Variants in A3GALT2 observed in about 807,000 individuals in gnomAD.
A3GALT2 encodes the protein alpha 1,3-galactosyltransferase 2, also known as alpha-1,3-galactosyltransferase 2.
A3GALT2 carries 14 observed loss-of-function variants against 16.6 expected under a neutral mutation model. That is an observed-to-expected ratio of 0.84 (90% CI 0.56 to 1.32). The LOEUF (loss-of-function observed/expected upper bound fraction) is 1.32. Ranked by LOEUF, A3GALT2 falls within the 40% of genes most tolerant of loss-of-function variation. The pLI is 0.00. For missense variants in A3GALT2, 600 were observed against 490.9 expected (o/e 1.22, Z -2.10); for synonymous variants, 253 against 218.0 (o/e 1.16, Z -1.42).
At position 33,306,923 on chromosome 1, in the gene A3GALT2, T is replaced by C. The variant is rs1230427164; in HGVS notation, c.866A>G (p.His289Arg). The change falls in exon 5 of 5, where the codon CAC (histidine) becomes CGC (arginine). Residue 289 changes from histidine (H) to arginine (R), a missense_variant. Coordinates refer to ENST00000442999, the MANE Select transcript of A3GALT2 (RefSeq NM_001080438.1). ...GAACTTGTTGAGGTGGCTCTCGTCG[T>C]GCCAGCGCGCCTCCAGGCCGCGCGC... ...DRARGLEARW[H>R]DESHLNKFFW... 3 of 1,518,998 alleles carry C rather than the reference T, an allele frequency of 2.0e-6. No individual in the cohort carries two copies. The South Asian group carries it at 3.7e-5, about 19-fold the overall frequency. The allele number at this position is 1,518,998 out of a possible 1,614,324, so 94.1% of individuals were successfully genotyped here.
intron 1 of A3GALT2, among the ~76,000 whole-genome samples, chr1:33,317,142 A>G (rs1646265499): frequency 1.3e-5 from 2 of 152,138 alleles, no homozygotes; most frequent in Admixed American, 1.3e-4. Context: ...AGCTCCTCAA[A>G]TATAACTGAA....
In A3GALT2 at chr1:33,312,171, C is replaced by T; in HGVS notation, c.216G>A (p.Leu72=). 6.2e-7 allele frequency: 1 copy of T among 1,613,388 alleles called. No individual in the cohort carries two copies. The highest frequency in any genetic ancestry group is 8.5e-7 in the Non-Finnish European group (1 of 1,179,810). ...ALRPWARPEV[L]TCTPWGAPII... ...TGGGAGCCCCCCAGGGGGTACAGGT[C>T]AGAACTTCAGGCCGGGCCCTGGCCA... is the stretch of plus-strand genomic sequence containing the variant. The change falls in exon 4 of 5, where the codon CTG becomes CTA. Residue 72 remains leucine, a synonymous_variant. Coordinates refer to ENST00000442999, the MANE Select transcript of A3GALT2 (RefSeq NM_001080438.1).
chr1:33,312,808 T>C lies in A3GALT2; in HGVS notation c.106A>G (p.Arg36Gly), dbSNP rs1172068335. The change falls in exon 2 of 5, where the codon AGG becomes GGG. Residue 36 changes from arginine to glycine, a missense_variant and splice_region_variant. Transcript: ENST00000442999. ...AGTGCTGGGGAAAGGGGCTTTTACC[T>C]GAATTTAGGGAGGCCATACAGAAAC... Reference protein sequence around the residue: ...GLFLYGLPKFRHLEALIPMGV... With the variant: ...GLFLYGLPKFGHLEALIPMGV... The C allele has an allele frequency of 6.3e-7, 1 of 1,598,022 alleles. No homozygotes were observed. Among genetic ancestry groups the C allele is most frequent in the South Asian group, 1.1e-5 (1 of 88,252 alleles).
intron 4 of A3GALT2, among the ~76,000 whole-genome samples, chr1:33,310,873 T>G (rs1467798136): frequency 6.6e-6 from 1 of 152,220 alleles, no homozygotes; most frequent in African/African-American, 2.4e-5. Flanking sequence ...CACCGAGGCC[T>G]TGGGAGAGAC....
At chr1:33,308,728 AT>A (rs1188981941) in intron 4 of A3GALT2, among the ~76,000 whole-genome samples, 2 of 31,586 alleles carry the variant, frequency 6.3e-5, no homozygotes, top group Non-Finnish European at 1.4e-4. Flanking sequence ...TATTATTATT[AT>A]TTTTTTGTCA....
At chr1:33,313,896 G>A (rs1386926961) in intron 1 of A3GALT2, among the ~76,000 whole-genome samples, 5 of 152,022 alleles carry the variant, frequency 3.3e-5, no homozygotes, top group African/African-American at 1.2e-4. Context: ...TAAGCGTTGA[G>A]AACAAGGCCT....
At position 33,308,959 on chromosome 1, in the gene A3GALT2, C is replaced by T. The variant is rs562068439; in HGVS notation, c.336-1506G>A. Among the ~76,000 whole-genome samples the T allele has an allele frequency of 1.1e-4, 17 of 151,272 alleles. 1 individual carries two copies. In the South Asian group the frequency reaches 1.5e-3, roughly 13 times the overall value. On this transcript the variant is annotated intron_variant, in intron 4 of 4. Transcript: ENST00000442999. ...TCCCTGGGTACTTGAGATTAGGGAG[C>T]GGTGATGACTCTTAACGAGCATGCT...
chr1:33,312,366 C>A, intron 3 of A3GALT2, 135 bp downstream of exon 3: 1 of 1,284,946 alleles, frequency 7.8e-7, no homozygotes, highest in East Asian at 2.4e-5. Flanking sequence ...ATGTGTGGCC[C>A]GATGGGGCTG....
chr1:33,307,635 C>T (rs1413897081), intron 4 of A3GALT2, among the ~76,000 whole-genome samples, 182 bp from the exon 5 acceptor site: 2 of 81,404 alleles, frequency 2.5e-5, no homozygotes. Context: ...CCCCACCTCA[C>T]ACCACCCAAT....
intron 1 of A3GALT2, among the ~76,000 whole-genome samples, chr1:33,318,708 C>A (rs1201244969): frequency 6.6e-6 from 1 of 152,138 alleles, no homozygotes; most frequent in Non-Finnish European, 1.5e-5. Flanking sequence ...CCGCATCATT[C>A]CTCAGCACCC....
At chr1:33,316,949 T>C (rs1408222178) in intron 1 of A3GALT2, among the ~76,000 whole-genome samples, 1 of 152,180 alleles carries the variant, frequency 6.6e-6, no homozygotes, top group East Asian at 1.9e-4. Flanking sequence ...AGTGGGGCTG[T>C]CTTTCCAGAA....
rs376906597 is a variant in A3GALT2 at position 33,312,600 on chromosome 1, G to A, written c.108-10C>T. 585 of 1,569,086 alleles carry A rather than the reference G, an allele frequency of 3.7e-4. 4 individuals carry two copies. In the African/African-American group the frequency reaches 6.9e-3, roughly 18 times the overall value. On this transcript the variant is annotated splice_polypyrimidine_tract_variant and intron_variant, in intron 2 of 4. Transcript: ENST00000442999. ...GAGGGCTTCCAGATGCCTGTGGTGG[G>A]TTGAGGGGCGGGGGGCAGGCAGCCG...
At chr1:33,307,583 C>T in intron 4 of A3GALT2, 130 bp from the exon 5 acceptor site, 1 of 530,082 alleles carries the variant, frequency 1.9e-6, no homozygotes, top group Non-Finnish European at 2.8e-6. Flanking sequence ...CACTCCCACC[C>T]CACCCTCACC....
At chr1:33,308,057 A>C (rs1570423866) in intron 4 of A3GALT2, among the ~76,000 whole-genome samples, 2 of 17,702 alleles carry the variant, frequency 1.1e-4, no homozygotes, top group Admixed American at 8.2e-4. Flanking sequence ...CCTTACCCCC[A>C]CCCCACCAGT....
intron 4 of A3GALT2, among the ~76,000 whole-genome samples, chr1:33,308,220 C>G (rs1212499743): frequency 6.7e-6 from 1 of 149,848 alleles, no homozygotes; most frequent in Admixed American, 6.7e-5. Flanking sequence ...CGACTGGCAG[C>G]GTTTCTCTCT....
chr1:33,308,750 G>GTTTTGTTTTT (rs1646216319), intron 4 of A3GALT2, among the ~76,000 whole-genome samples: 10 of 46,132 alleles, frequency 2.2e-4, no homozygotes, highest in African/African-American at 1.2e-3. Context: ...TGTCAAAGTT[G>GTTTTGTTTTT]TTTTTTTTTT....
At position 33,307,343 on chromosome 1, in the gene A3GALT2, C is replaced by A. The variant is rs747731530; in HGVS notation, c.446G>T (p.Arg149Leu). 1.3e-6 allele frequency: 2 copies of A among 1,541,528 alleles called. No individual in the cohort carries two copies. Among genetic ancestry groups the A allele is most frequent in the African/African-American group, 2.9e-5 (2 of 69,952 alleles). The part of the protein sequence containing the change: ...VFTELPGAVP[R>L]VALGPGRRLP... ...CCGGCGTCCCGGGCCCAGCGCCACG[C>A]GGGGCACCGCTCCCGGAAGCTCGGT... The change falls in exon 5 of 5, where the codon CGC becomes CTC. Residue 149 changes from arginine to leucine, a missense_variant. Transcript: ENST00000442999.
intron 1 of A3GALT2, among the ~76,000 whole-genome samples, chr1:33,316,196 A>G (rs1327780144): frequency 6.6e-6 from 1 of 152,086 alleles, no homozygotes; most frequent in Non-Finnish European, 1.5e-5. Context: ...TGGAAAAGAA[A>G]CAACAGTATG....
chr1:33,312,009 C>T (rs1435273523), intron 4 of A3GALT2, 43 bp downstream of exon 4: 5 of 1,610,970 alleles, frequency 3.1e-6, no homozygotes, highest in Admixed American at 1.7e-5. Context: ...ACACCCCTCC[C>T]ACTCACAGCT....
Sources: gnomAD v4.1 joint callset for allele counts (sites outside exome capture counted in the v4.1 genomes callset) on GRCh38, gnomAD v4.1.1 for gene constraint, MANE v1.5 for transcripts, NCBI Gene and HGNC (gene_info 2026-07-23, HGNC 2026-07-21) for gene names.